Variants in FAAH2 observed in about 807,000 individuals in gnomAD.
FAAH2 encodes the protein fatty acid amide hydrolase 2.
FAAH2 carries 60 observed loss-of-function variants against 36.9 expected under a neutral mutation model. The ratio of observed to expected loss-of-function variants is 1.63; its 90% CI spans 1.32 to 2.02. The LOEUF (loss-of-function observed/expected upper bound fraction) is 2.02. Among genes scored for constraint, FAAH2 ranks in the 30% most tolerant of loss-of-function variants. FAAH2 has a pLI of 0.00. For synonymous variants in FAAH2, 214 were observed against 143.8 expected (o/e 1.49, Z -3.49); for missense variants, 689 against 397.5 (o/e 1.73, Z -6.23).
chrX:57,138,844 T>C, the FAAH2 span, among the ~76,000 whole-genome samples: 1 of 112,200 alleles, frequency 8.9e-6, no homozygotes, highest in African/African-American at 3.2e-5. Context: ...ATATCTGTTG[T>C]CCATTTGTGC....
intron 8 of FAAH2, among the ~76,000 whole-genome samples, chrX:57,434,083 A>ATT (rs771256980): frequency 1.4e-3 from 131 of 94,088 alleles, no homozygotes; most frequent in African/African-American, 2.4e-3. Context: ...AATTAAATTG[A>ATT]TTTTTTTTTT....
the FAAH2 span, among the ~76,000 whole-genome samples, chrX:57,144,923 T>TACACAC: frequency 7.9e-3 from 830 of 105,399 alleles, 9 homozygotes; most frequent in East Asian, 0.012. Context: ...TGTGTGTGCA[T>TACACAC]ACACACACAC....
At chrX:57,443,449 T>G (rs1417190031) in intron 8 of FAAH2, among the ~76,000 whole-genome samples, 1 of 112,469 alleles carries the variant, frequency 8.9e-6, no homozygotes, top group African/African-American at 3.2e-5. Flanking sequence ...GCCATGGTTT[T>G]CAGCTCCATG....
chrX:57,446,214 G>A (rs944400215), intron 8 of FAAH2, among the ~76,000 whole-genome samples: 2 of 112,282 alleles, frequency 1.8e-5, no homozygotes, highest in African/African-American at 3.2e-5. Context: ...TGTAGGCAAT[G>A]CAAGACCATC....
the FAAH2 span, among the ~76,000 whole-genome samples, chrX:57,201,523 T>A: frequency 1.8e-5 from 2 of 111,919 alleles, no homozygotes; most frequent in Non-Finnish European, 3.8e-5. Flanking sequence ...TCAGGATCCT[T>A]TCTTTATTCT....
At chrX:57,167,907 A>G in the FAAH2 span, among the ~76,000 whole-genome samples, 1 of 111,722 alleles carries the variant, frequency 9.0e-6, no homozygotes, top group East Asian at 2.8e-4. Context: ...CATTAGAGTC[A>G]TAAACATCAA....
rs199749804 is a variant in FAAH2 at position 57,378,729 on chromosome X, G to A, written c.821G>A (p.Arg274His). 27 of 1,207,569 alleles carry A rather than the reference G, an allele frequency of 2.2e-5. No individual in the cohort carries two copies. Among genetic ancestry groups the A allele is most frequent in the African/African-American group, 7.0e-5 (4 of 56,863 alleles). The stretch of plus-strand genomic sequence containing the variant: ...TTTCTGTGCACTGGTCCTATGTGCC[G>A]TTATGCTGAAGACCTGGCCCCCATG... Reference protein sequence around the residue: ...ELFLCTGPMCRYAEDLAPMLK... With the variant: ...ELFLCTGPMCHYAEDLAPMLK... Residue 274 changes from arginine (R) to histidine (H), a missense_variant, in exon 6 of 11, where the codon CGT becomes CAT. Physicochemically the swap from Arg to His is conservative, Grantham distance 29. Transcript: ENST00000374900.
chrX:57,213,989 G>A, the FAAH2 span, among the ~76,000 whole-genome samples: 1 of 111,719 alleles, frequency 9.0e-6, no homozygotes, highest in East Asian at 2.8e-4. Context: ...ATATAAAGTT[G>A]GATGCTCTGA....
the FAAH2 span, among the ~76,000 whole-genome samples, chrX:57,187,755 T>C: frequency 9.0e-6 from 1 of 111,365 alleles, no homozygotes; most frequent in Non-Finnish European, 1.9e-5. Flanking sequence ...TACCTAGTTT[T>C]TTGAGAGTTT....
At chrX:57,228,055 C>T in the FAAH2 span, among the ~76,000 whole-genome samples, 2 of 111,981 alleles carry the variant, frequency 1.8e-5, no homozygotes. Flanking sequence ...TGAAAATTTT[C>T]CCAAGGTTTT....
At chrX:57,220,267 C>A in the FAAH2 span, among the ~76,000 whole-genome samples, 1 of 109,377 alleles carries the variant, frequency 9.1e-6, no homozygotes, top group Non-Finnish European at 1.9e-5. Context: ...TCCCAGTCAG[C>A]TGTATCCACT....
chrX:57,246,774 T>C, the FAAH2 span, among the ~76,000 whole-genome samples: 1 of 111,855 alleles, frequency 8.9e-6, no homozygotes, highest in African/African-American at 3.3e-5. Context: ...TTTCTTGACA[T>C]GGTGAGTATG....
At chrX:57,391,833 A>AT (rs779710039) in intron 7 of FAAH2, among the ~76,000 whole-genome samples, 352 of 109,056 alleles carry the variant, frequency 3.2e-3, no homozygotes, top group Non-Finnish European at 5.5e-3. Context: ...GTATTCTAGG[A>AT]TTTTTTTTCT....
At chrX:57,248,369 G>T in the FAAH2 span, among the ~76,000 whole-genome samples, 2 of 111,904 alleles carry the variant, frequency 1.8e-5, 1 homozygote, top group South Asian at 7.4e-4. Context: ...GTTAGGCAAA[G>T]AAATTCAGTT....
chrX:57,268,232 A>T, the FAAH2 span, among the ~76,000 whole-genome samples: 1 of 112,034 alleles, frequency 8.9e-6, no homozygotes. Context: ...AGAATAGACC[A>T]AGTGGAGAAA....
At chrX:57,198,290 G>A in the FAAH2 span, among the ~76,000 whole-genome samples, 74 of 111,532 alleles carry the variant, frequency 6.6e-4, no homozygotes, top group African/African-American at 2.4e-3. Context: ...AAGGCCAATA[G>A]AGTTTTGTTC....
chrX:57,334,268 T>TCACACACACACACACACACACACACA (rs60873866), intron 4 of FAAH2, among the ~76,000 whole-genome samples: 21 of 85,721 alleles, frequency 2.4e-4, no homozygotes, highest in South Asian at 1.4e-3. Context: ...AGATTCCGTC[T>TCACACACACACACACACACACACACA]CACACACACA....
At position 57,466,892 on chromosome X, in the gene FAAH2, T is replaced by C. The variant is rs187204887; in HGVS notation, c.1423+18174T>C. Among the ~76,000 whole-genome samples the C allele has an allele frequency of 3.6e-5, 4 of 111,258 alleles. No homozygotes were observed. In the East Asian group the frequency reaches 1.1e-3, roughly 32 times the overall value. Reference sequence around the variant, plus strand: ...GTAGGATTGATTTCATAATGCAAGATGCCTATGAGCCCTAATCACATACAC... The same window carrying C: ...GTAGGATTGATTTCATAATGCAAGACGCCTATGAGCCCTAATCACATACAC... On this transcript the variant is annotated intron_variant, in intron 10 of 10. Coordinates refer to ENST00000374900, the MANE Select transcript of FAAH2 (RefSeq NM_174912.4).
intron 7 of FAAH2, chrX:57,392,862 A>G (rs778947164): frequency 1.3e-6 from 1 of 750,366 alleles, no homozygotes; most frequent in Non-Finnish European, 2.1e-6. Flanking sequence ...GGCCATGCAG[A>G]TGGGGAGATT....
Sources: gnomAD v4.1 joint callset for allele counts (sites outside exome capture counted in the v4.1 genomes callset) on GRCh38, gnomAD v4.1.1 for gene constraint, MANE v1.5 for transcripts, NCBI Gene and HGNC (gene_info 2026-07-23, HGNC 2026-07-21) for gene names.